ARMC2: variants seen among roughly 807,000 people sequenced by gnomAD.
ARMC2 encodes armadillo repeat-containing protein 2.
ARMC2 carries 67 observed loss-of-function variants against 90.3 expected under a neutral mutation model. The ratio of observed to expected loss-of-function variants is 0.74; its 90% CI spans 0.61 to 0.91. The LOEUF is 0.91. ARMC2 is among the 40% of genes least tolerant of loss of function. The pLI, the probability that ARMC2 is intolerant of heterozygous loss-of-function variation, is 0.00. For synonymous variants in ARMC2, 393 were observed against 393.0 expected (o/e 1.00, Z 0.00); for missense variants, 920 against 1,030.9 (o/e 0.89, Z 1.47).
At chr6:108,867,859 G>A (rs920875170) in intron 3 of ARMC2, among the ~76,000 whole-genome samples, 2 of 151,916 alleles carry the variant, frequency 1.3e-5, no homozygotes, top group Non-Finnish European at 2.9e-5. Flanking sequence ...ACTTGAATCC[G>A]GAAGGCGGAG....
Position 108,936,970 on chromosome 6 carries a change from A to G in ARMC2, c.1567A>G (p.Asn523Asp). The change falls in exon 12 of 18, where the codon AAT becomes GAT. Residue 523 changes from asparagine to aspartate, a missense_variant. Physicochemically the swap from Asn to Asp is conservative, Grantham distance 23. Transcript: ENST00000392644. The stretch of plus-strand genomic sequence containing the variant: ...TTCCAGATGTTATGCCTTATTTCTG[A>G]ATCTAATTAACAAATACCAGAAGAA... ...SYSRCYALFL[N>D]LINKYQKKQD... is the part of the protein sequence containing the mutation. The G allele has an allele frequency of 1.3e-6, 2 of 1,599,788 alleles. No homozygotes were observed. Among genetic ancestry groups the G allele is most frequent in the East Asian group, 4.5e-5 (2 of 44,680 alleles).
intron 5 of ARMC2, among the ~76,000 whole-genome samples, chr6:108,881,078 T>G (rs959922002): frequency 6.6e-6 from 1 of 152,010 alleles, no homozygotes; most frequent in Non-Finnish European, 1.5e-5. Context: ...ATGGTCTTGA[T>G]CTCCTGACCT....
At position 108,863,435 on chromosome 6, in the gene ARMC2, G is replaced by A. The variant is rs190001469; in HGVS notation, c.291+5164G>A. Among the ~76,000 whole-genome samples, 216 of 152,292 alleles carry A rather than the reference G, an allele frequency of 1.4e-3. 2 individuals are homozygous for A. The East Asian group carries it at 0.031, about 22-fold the overall frequency. ...ATCTACCTGCTATATAGGTGTGCCA[G>A]TTTACGTCTTTTTTCCTTCTTAGCA... is the stretch of plus-strand genomic sequence containing the variant. On this transcript the variant is annotated intron_variant, in intron 3 of 17. Transcript: ENST00000392644.
chr6:108,930,547 T>G (rs1050920688), intron 11 of ARMC2, among the ~76,000 whole-genome samples: 2 of 152,028 alleles, frequency 1.3e-5, no homozygotes, highest in Admixed American at 6.6e-5. Flanking sequence ...ATGATTTTTT[T>G]TCTCATTAGT....
At chr6:108,928,663 A>G (rs529952808) in intron 11 of ARMC2, among the ~76,000 whole-genome samples, 2 of 152,320 alleles carry the variant, frequency 1.3e-5, no homozygotes, top group South Asian at 2.1e-4. Context: ...TATTTCAGCT[A>G]TTTGAACTTT....
chr6:109,040,663 T>TTG, the ARMC2 span, among the ~76,000 whole-genome samples: 2 of 151,952 alleles, frequency 1.3e-5, no homozygotes, highest in Non-Finnish European at 2.9e-5. Flanking sequence ...TAATCTTTTT[T>TTG]TTTTTTTTTG....
chr6:108,859,171 A>G (rs144798736), intron 3 of ARMC2, among the ~76,000 whole-genome samples: 2 of 152,258 alleles, frequency 1.3e-5, no homozygotes, highest in Admixed American at 6.5e-5. Context: ...ACTCTTCCCC[A>G]GTGGCCTTAA....
intron 8 of ARMC2, 23 bp from the exon 9 acceptor site, chr6:108,910,876 G>C (rs1236198124): frequency 1.7e-6 from 2 of 1,206,122 alleles, no homozygotes; most frequent in African/African-American, 1.5e-5. Context: ...TTCTGCAATA[G>C]AGATGTGTTT....
the ARMC2 span, chr6:109,000,586 C>T: frequency 3.4e-5 from 55 of 1,612,446 alleles, no homozygotes; most frequent in Non-Finnish European, 4.6e-5. Flanking sequence ...TTCTCTAAAC[C>T]ATTGAGCCAC....
chr6:108,998,757 T>C, the ARMC2 span: 1 of 1,598,308 alleles, frequency 6.3e-7, no homozygotes, highest in Non-Finnish European at 8.5e-7. Flanking sequence ...TAAAAGTCCC[T>C]TAGGGGGAAA....
At chr6:108,938,756 A>G (rs1271145719) in intron 12 of ARMC2, among the ~76,000 whole-genome samples, 3 of 152,070 alleles carry the variant, frequency 2.0e-5, no homozygotes, top group Non-Finnish European at 4.4e-5. Flanking sequence ...GTTATAATCT[A>G]TAATTTTTTT....
At chr6:108,890,189 C>CAAAAAAAAAAAAAA (rs869186045) in intron 5 of ARMC2, among the ~76,000 whole-genome samples, 8 of 64,246 alleles carry the variant, frequency 1.2e-4, no homozygotes, top group African/African-American at 1.8e-4. Flanking sequence ...GACTCCGTCT[C>CAAAAAAAAAAAAAA]AAAAAAAAAA....
At chr6:109,030,061 G>A in the ARMC2 span, among the ~76,000 whole-genome samples, 1 of 152,114 alleles carries the variant, frequency 6.6e-6, no homozygotes, top group Non-Finnish European at 1.5e-5. Flanking sequence ...AAATAAAATA[G>A]CCTTTTAACT....
At chr6:108,990,934 A>G in the ARMC2 span, 2 of 1,048,414 alleles carry the variant, frequency 1.9e-6, no homozygotes, top group Non-Finnish European at 1.4e-6. Flanking sequence ...CATTTGGCTG[A>G]CAATCCAACT....
chr6:108,997,997 A>C, the ARMC2 span, among the ~76,000 whole-genome samples: 1 of 152,256 alleles, frequency 6.6e-6, no homozygotes, highest in Non-Finnish European at 1.5e-5. Flanking sequence ...TTCACCTGAT[A>C]TCACCTTCTA....
the ARMC2 span, among the ~76,000 whole-genome samples, chr6:109,050,589 A>C: frequency 6.6e-6 from 1 of 152,192 alleles, no homozygotes; most frequent in Non-Finnish European, 1.5e-5. Flanking sequence ...ACATCAAAGC[A>C]GTCTCTAACT....
chr6:108,964,610 C>T (rs1778229123), intron 16 of ARMC2, among the ~76,000 whole-genome samples: 1 of 152,096 alleles, frequency 6.6e-6, no homozygotes, highest in Admixed American at 6.5e-5. Context: ...CCTGTCTCTA[C>T]TAAAAAGACA....
At chr6:109,006,863 T>C in the ARMC2 span, among the ~76,000 whole-genome samples, 1 of 152,216 alleles carries the variant, frequency 6.6e-6, no homozygotes, top group Admixed American at 6.5e-5. Flanking sequence ...TAGCTTCCTA[T>C]TTAGGTTAAT....
At chr6:108,872,689 C>T (rs1776546123) in intron 4 of ARMC2, among the ~76,000 whole-genome samples, 1 of 152,140 alleles carries the variant, frequency 6.6e-6, no homozygotes, top group East Asian at 1.9e-4. Flanking sequence ...TCTGTGTGTT[C>T]CATAAAGCAC....
Sources: gnomAD v4.1 joint callset for allele counts (sites outside exome capture counted in the v4.1 genomes callset) on GRCh38, gnomAD v4.1.1 for gene constraint, MANE v1.5 for transcripts, NCBI Gene and HGNC (gene_info 2026-07-23, HGNC 2026-07-21) for gene names.